The following CRKL variants were observed in gnomAD, a reference collection of about 807,000 sequenced individuals.
The protein encoded by CRKL is CRK like proto-oncogene, adaptor protein.
A neutral mutation model predicts 23.0 loss-of-function variants in CRKL; 3 were observed. That is an observed-to-expected ratio of 0.13 (90% CI 0.06 to 0.34). The LOEUF is 0.34. Among genes scored for constraint, CRKL ranks in the 10% least tolerant of loss-of-function variants. The pLI, the probability that CRKL is intolerant of heterozygous loss-of-function variation, is 1.00. For missense variants in CRKL, 256 were observed against 394.5 expected (o/e 0.65, Z 2.97); for synonymous variants, 188 against 160.7 (o/e 1.17, Z -1.28).
chr22:20,939,075 C>T (rs1044681202), intron 2 of CRKL, among the ~76,000 whole-genome samples: 6 of 152,140 alleles, frequency 3.9e-5, no homozygotes, highest in Non-Finnish European at 8.8e-5. Context: ...CAGAGTCTAA[C>T]TCCATGGCCC....
At chr22:20,946,876 T>C (rs763752366) in intron 2 of CRKL, among the ~76,000 whole-genome samples, 6 of 152,120 alleles carry the variant, frequency 3.9e-5, no homozygotes, top group Non-Finnish European at 7.4e-5. Context: ...CATTTTAGGA[T>C]CTGAGCACAA....
chr22:20,931,702 A>G (rs969824029), intron 1 of CRKL, among the ~76,000 whole-genome samples: 8 of 152,190 alleles, frequency 5.3e-5, no homozygotes, highest in Admixed American at 1.3e-4. Context: ...AAATAATCCA[A>G]TCTCTTCAAA....
At chr22:20,936,702 G>GGTTT (rs1249991598) in intron 2 of CRKL, among the ~76,000 whole-genome samples, 3 of 151,948 alleles carry the variant, frequency 2.0e-5, no homozygotes, top group Non-Finnish European at 4.4e-5. Flanking sequence ...TGCACCTGAA[G>GGTTT]GTTTGTTTCA....
At chr22:20,930,282 C>A (rs1190214068) in intron 1 of CRKL, among the ~76,000 whole-genome samples, 2 of 152,186 alleles carry the variant, frequency 1.3e-5, no homozygotes, top group Non-Finnish European at 2.9e-5. Flanking sequence ...TAAATATTTT[C>A]AGCTTTTCCA....
intron 1 of CRKL, among the ~76,000 whole-genome samples, chr22:20,927,599 T>C (rs1472965425): frequency 6.7e-6 from 1 of 148,424 alleles, no homozygotes; most frequent in Non-Finnish European, 1.5e-5. Context: ...TCTCAGCACA[T>C]TGGGAAGCCA....
At position 20,933,005 on chromosome 22, in the gene CRKL, G is replaced by A. The variant is rs142763683; in HGVS notation, c.312-774G>A. 3.7e-4 allele frequency among the ~76,000 whole-genome samples: 57 copies of A among 152,026 alleles called. 1 individual carries two copies. The highest frequency in any genetic ancestry group is 1.3e-3 in the African/African-American group (55 of 41,470). On this transcript the variant is annotated intron_variant, in intron 1 of 2. Coordinates refer to ENST00000354336, the MANE Select transcript of CRKL (RefSeq NM_005207.4). ...TGAGGCAGAAAAATCACTTGAACAC[G>A]GGAGGTAGAGGTTACAGTGAACTGA... is the stretch of plus-strand genomic sequence containing the variant.
At position 20,934,160 on chromosome 22, in the gene CRKL, A is replaced by G; in HGVS notation, c.693A>G (p.Pro231=). The change falls in exon 2 of 3, where the codon CCA becomes CCG. Residue 231 remains proline, a synonymous_variant. Transcript: ENST00000354336. ...CTGGGGCAGCAATCACCCCTTTGCC[A>G]TCCACACAGAATGGACCTGTCTTTG... The part of the protein sequence containing the change: ...GSPGAAITPL[P]STQNGPVFAK... 3 of 1,614,222 alleles carry G rather than the reference A, an allele frequency of 1.9e-6. No individual in the cohort carries two copies. The highest frequency in any genetic ancestry group is 2.5e-6 in the Non-Finnish European group (3 of 1,180,036).
chr22:20,944,987 G>A (rs1331129864), intron 2 of CRKL, among the ~76,000 whole-genome samples: 1 of 151,688 alleles, frequency 6.6e-6, no homozygotes, highest in African/African-American at 2.4e-5. Flanking sequence ...TGCCCTGCCT[G>A]GAATTACTTT....
intron 1 of CRKL, among the ~76,000 whole-genome samples, chr22:20,927,016 G>A (rs1394012979): frequency 6.8e-6 from 1 of 147,110 alleles, no homozygotes; most frequent in African/African-American, 2.5e-5. Context: ...GGAGGCTGAG[G>A]CAGGAGAATG....
At position 20,952,389 on chromosome 22, in the gene CRKL, G is replaced by A. The variant is rs1922311105; in HGVS notation, c.*2544G>A. 4.4e-6 allele frequency: 1 copy of A among 225,978 alleles called. No homozygotes were observed. The allele number at this position is 225,978 out of a possible 1,614,324, so 14.0% of individuals were successfully genotyped here. On this transcript the variant is annotated 3_prime_UTR_variant, in exon 3 of 3. Transcript: ENST00000354336. ...GCTCGTTACTTCAGCCCATGAAAAT[G>A]GCATCCAGGGCTGCCAGGAGATTCA... is the stretch of plus-strand genomic sequence containing the variant.
At chr22:20,944,139 C>CTTTTTTTTTTTTTT (rs57177824) in intron 2 of CRKL, among the ~76,000 whole-genome samples, 18 of 105,844 alleles carry the variant, frequency 1.7e-4, no homozygotes, top group South Asian at 3.2e-4. Context: ...GTAGTATTAG[C>CTTTTTTTTTTTTTT]TTTTTTTTTT....
chr22:20,918,949 A>ACCCCCCCCCCCC (rs1555917807), intron 1 of CRKL, among the ~76,000 whole-genome samples: 8 of 111,538 alleles, frequency 7.2e-5, no homozygotes, highest in African/African-American at 1.0e-4. Flanking sequence ...AGCACTCACC[A>ACCCCCCCCCCCC]CCCCACCCCC....
chr22:20,941,440 G>A (rs922350973), intron 2 of CRKL, among the ~76,000 whole-genome samples: 14 of 149,930 alleles, frequency 9.3e-5, no homozygotes, highest in African/African-American at 3.5e-4. Context: ...ATAATACCAT[G>A]CAAATGTAGG....
At chr22:20,927,438 T>C (rs769126193) in intron 1 of CRKL, among the ~76,000 whole-genome samples, 9 of 149,354 alleles carry the variant, frequency 6.0e-5, no homozygotes, top group Non-Finnish European at 1.2e-4. Flanking sequence ...GTGATCCAAT[T>C]GCCTCGGCCC....
intron 1 of CRKL, among the ~76,000 whole-genome samples, chr22:20,920,393 T>C (rs1278404239): frequency 1.3e-5 from 2 of 151,586 alleles, no homozygotes; most frequent in African/African-American, 4.9e-5. Flanking sequence ...TCCCAGCTAC[T>C]CGGGAGGCTG....
chr22:20,930,317 C>T (rs770797205), intron 1 of CRKL, among the ~76,000 whole-genome samples: 33 of 152,166 alleles, frequency 2.2e-4, no homozygotes, highest in African/African-American at 7.0e-4. Flanking sequence ...AACTACTCAA[C>T]TATGCCTTTG....
intron 1 of CRKL, among the ~76,000 whole-genome samples, chr22:20,927,751 G>A (rs959121078): frequency 7.9e-5 from 11 of 139,710 alleles, no homozygotes; most frequent in East Asian, 6.7e-4. Flanking sequence ...GCTGAGGCAG[G>A]ATAATTGTTT....
intron 2 of CRKL, among the ~76,000 whole-genome samples, chr22:20,946,838 A>G (rs1922076235): frequency 6.6e-6 from 1 of 152,154 alleles, no homozygotes; most frequent in South Asian, 2.1e-4. Context: ...GATGAGGGAA[A>G]CGGCAAGATG....
rs894387350 is a variant in CRKL at position 20,951,348 on chromosome 22, G to A, written c.*1503G>A. 29 of 231,800 alleles carry A rather than the reference G, an allele frequency of 1.3e-4. No homozygotes were observed. Among genetic ancestry groups the A allele is most frequent in the African/African-American group, 6.4e-4 (29 of 45,358 alleles). The allele number at this position is 231,800 out of a possible 1,614,324, so 14.4% of individuals were successfully genotyped here. ...GTATTTGATGTCTTAGTGTTTTAGT[G>A]ACTAGGGAGACCATTAACTAGTTTA... On this transcript the variant is annotated 3_prime_UTR_variant, in exon 3 of 3. Coordinates refer to ENST00000354336, the MANE Select transcript of CRKL (RefSeq NM_005207.4).
Sources: gnomAD v4.1 joint callset for allele counts (sites outside exome capture counted in the v4.1 genomes callset) on GRCh38, gnomAD v4.1.1 for gene constraint, MANE v1.5 for transcripts, NCBI Gene and HGNC (gene_info 2026-07-23, HGNC 2026-07-21) for gene names.